Variants in SNX31 observed in about 807,000 individuals in gnomAD.
SNX31 encodes sorting nexin 31, also known as sorting nexin-31.
A neutral mutation model predicts 65.4 loss-of-function variants in SNX31; 58 were observed. That is an observed-to-expected ratio of 0.89 (90% CI 0.72 to 1.10). The LOEUF (loss-of-function observed/expected upper bound fraction) is 1.10, where lower values mean the gene tolerates loss of function less well. SNX31 is among the 50% of genes least tolerant of loss of function. SNX31 has a pLI of 0.00. For missense variants in SNX31, 523 were observed against 529.7 expected (o/e 0.99, Z 0.12); for synonymous variants, 181 against 190.1 (o/e 0.95, Z 0.39).
Position 100,578,844 on chromosome 8 carries a change from C to T in SNX31, c.1171-1769G>A, listed in dbSNP as rs1263551235. On this transcript the variant is annotated intron_variant, in intron 12 of 13. Coordinates refer to ENST00000311812, the MANE Select transcript of SNX31 (RefSeq NM_152628.4). The surrounding 1 kb of genome is among the most constrained non-coding windows in gnomAD (Gnocchi z 4.7). ...TCAAGCGATTCTCCAGCCTCAGTCT[C>T]CCAAGTAGCTAGGAATACAGGTACG... Among the ~76,000 whole-genome samples, 1 of 151,988 alleles carries T rather than the reference C, an allele frequency of 6.6e-6. No individual in the cohort carries two copies. Among genetic ancestry groups the T allele is most frequent in the Non-Finnish European group, 1.5e-5 (1 of 68,006 alleles).
upstream of SNX31, among the ~76,000 whole-genome samples, chr8:100,652,763 C>T (rs1016863288): frequency 1.3e-4 from 20 of 152,092 alleles, no homozygotes; most frequent in African/African-American, 3.6e-4. Flanking sequence ...GTCCTTCACA[C>T]CCTTGGGCCT....
At chr8:100,589,566 T>G (rs1420465206) in intron 10 of SNX31, among the ~76,000 whole-genome samples, 1 of 152,128 alleles carries the variant, frequency 6.6e-6, no homozygotes, top group African/African-American at 2.4e-5. Context: ...AAGTTTGTCG[T>G]GGTGGTTTTA....
At chr8:100,583,889 C>T (rs1486027750) in intron 12 of SNX31, among the ~76,000 whole-genome samples, 1 of 152,186 alleles carries the variant, frequency 6.6e-6, no homozygotes, top group Non-Finnish European at 1.5e-5. Flanking sequence ...GATGACTTCT[C>T]ATTGGAAAAA....
rs1814914816 is a variant in SNX31, at chr8:100,594,785, C to A, written c.978+1854G>T. ...CAATTACCGTACGACCCAGCAATTGCACTTGTGGGCATTTATTCCAGAAAA... is the reference window on the plus strand; with the variant it reads ...CAATTACCGTACGACCCAGCAATTGAACTTGTGGGCATTTATTCCAGAAAA... On this transcript the variant is annotated intron_variant, in intron 10 of 13. Coordinates refer to ENST00000311812, the MANE Select transcript of SNX31 (RefSeq NM_152628.4). The surrounding 1 kb of genome is among the most constrained non-coding windows in gnomAD (Gnocchi z 4.0). Among the ~76,000 whole-genome samples, 1 of 152,202 alleles carries A rather than the reference C, an allele frequency of 6.6e-6. No homozygotes were observed. Among genetic ancestry groups the A allele is most frequent in the African/African-American group, 2.4e-5 (1 of 41,446 alleles).
Position 100,613,021 on chromosome 8 carries a change from C to T in SNX31, c.497G>A (p.Arg166Gln), listed in dbSNP as rs538309289. The T allele has an allele frequency of 1.2e-4, 200 of 1,613,976 alleles. 3 individuals carry two copies. In the South Asian group the frequency reaches 1.6e-3, roughly 13 times the overall value. Reference sequence around the variant, plus strand: ...AGAGAGCTTGCCCTCCTTGCCAAACCGAATGAGAAAGAGGCCGAAGTAGCC... The same window carrying T: ...AGAGAGCTTGCCCTCCTTGCCAAACTGAATGAGAAAGAGGCCGAAGTAGCC... ...LLGYFGLFLI[R>Q]FGKEGKLSVV... Residue 166 changes from arginine to glutamine, a missense_variant, in exon 6 of 14, where the codon CGG becomes CAG. Arg to Gln is a conservative substitution (Grantham distance 43, BLOSUM62 1). Transcript: ENST00000311812. The surrounding 1 kb of genome is among the most constrained non-coding windows in gnomAD (Gnocchi z 5.2).
rs1812807292 is a variant in SNX31, at chr8:100,573,839, G to C, written c.*26C>G. 1 of 1,488,828 alleles carries C rather than the reference G, an allele frequency of 6.7e-7. No homozygotes were observed. The highest frequency in any genetic ancestry group is 1.2e-5 in the South Asian group (1 of 82,626). The allele number at this position is 1,488,828 out of a possible 1,614,324, so 92.2% of individuals were successfully genotyped here. On this transcript the variant is annotated 3_prime_UTR_variant, in exon 14 of 14. Coordinates refer to ENST00000311812, the MANE Select transcript of SNX31 (RefSeq NM_152628.4). ...TCACTGTCTTGAGATAGCCTCCAAG[G>C]ATATTTTAAAATATGAGAGCTTTCT...
chr8:100,573,978 AG>A lies in SNX31; in HGVS notation c.1228-19del. The stretch of plus-strand genomic sequence containing the variant: ...TCTTTCTGCTGTGAAGTAAACAGAG[AG>A]GTCAGAAATGTAAATGAAAGGAAAT... On this transcript the variant is annotated intron_variant, in intron 13 of 13. Transcript: ENST00000311812. The A allele has an allele frequency of 4.3e-6, 6 of 1,384,356 alleles. No homozygotes were observed. Among genetic ancestry groups the A allele is most frequent in the Non-Finnish European group, 5.9e-6 (6 of 1,009,378 alleles). The allele number at this position is 1,384,356 out of a possible 1,614,324, so 85.8% of individuals were successfully genotyped here.
In SNX31 at chr8:100,635,988, G is replaced by T. The variant is rs370204557; in HGVS notation, c.165C>A (p.Cys55Ter). 6.2e-7 allele frequency: 1 copy of T among 1,613,968 alleles called. No individual in the cohort carries two copies. Among genetic ancestry groups the T allele is most frequent in the Non-Finnish European group, 8.5e-7 (1 of 1,179,966 alleles). The change falls in exon 3 of 14, where the codon TGC becomes TGA. Residue 55 changes from cysteine (C) to a stop codon, truncating the protein, a stop_gained. Coordinates refer to ENST00000311812, the MANE Select transcript of SNX31 (RefSeq NM_152628.4). LOFTEE classifies it high-confidence loss of function. ...AGTACTTTGGTGGGAAGGGTGGCAG[G>T]CAATTTCCAAAGACCCGCCTTAGCT... is the stretch of plus-strand genomic sequence containing the variant. ...NEQLRRVFGN[C>*]LPPFPPKYYL...
Position 100,649,348 on chromosome 8 carries a change from G to T in SNX31, c.67C>A (p.Leu23Met), listed in dbSNP as rs907281702. ...RSDALGGRYVLYSVHLDGFLF... is the reference protein window; with the variant it reads ...RSDALGGRYVMYSVHLDGFLF... The stretch of plus-strand genomic sequence containing the variant: ...AACCCGTCCAGGTGCACGGAGTACA[G>T]CTGCAAACACACAGACACCCCGTCC... The change falls in exon 2 of 14, where the codon CTG becomes ATG. Residue 23 changes from leucine (L) to methionine (M), a missense_variant and splice_region_variant. Physicochemically the swap from Leu to Met is conservative, Grantham distance 15. Coordinates refer to ENST00000311812, the MANE Select transcript of SNX31 (RefSeq NM_152628.4). 2 of 1,613,856 alleles carry T rather than the reference G, an allele frequency of 1.2e-6. No homozygotes were observed. The highest frequency in any genetic ancestry group is 2.7e-5 in the African/African-American group (2 of 75,058).
At chr8:100,593,610 C>T (rs754949989) in intron 10 of SNX31, among the ~76,000 whole-genome samples, 6 of 151,982 alleles carry the variant, frequency 3.9e-5, no homozygotes, top group Admixed American at 6.6e-5. Flanking sequence ...CGCCCCACCA[C>T]GCCCAGCTAA....
At chr8:100,589,033 C>T in intron 10 of SNX31, 54 bp from the exon 11 acceptor site, 2 of 1,439,086 alleles carry the variant, frequency 1.4e-6, no homozygotes, top group Admixed American at 1.7e-5. Flanking sequence ...TATTAATTTG[C>T]CGGGCACGGT....
At chr8:100,643,724 T>A (rs1819431004) in intron 2 of SNX31, among the ~76,000 whole-genome samples, 1 of 152,176 alleles carries the variant, frequency 6.6e-6, no homozygotes, top group African/African-American at 2.4e-5. Context: ...GTCATCATCA[T>A]CACCATCACC....
intron 8 of SNX31, among the ~76,000 whole-genome samples, chr8:100,606,040 AT>A (rs374056086): frequency 0.02 from 2,961 of 146,358 alleles, 82 homozygotes; most frequent in African/African-American, 0.065. Flanking sequence ...ACTGAACATG[AT>A]TTTTTTTTTT....
At position 100,648,322 on chromosome 8, in the gene SNX31, C is replaced by CTTTTTTT. The variant is rs33988254; in HGVS notation, c.141+945_141+951dup. On this transcript the variant is annotated intron_variant, in intron 2 of 13. Transcript: ENST00000311812. This position sits in a 1 kb window ranked among gnomAD's most constrained non-coding sequence, Gnocchi z 4.3. ...GAAAGTTTTTTCAGTTTTCTCTACA[C>CTTTTTTT]TTTTTTTTTTTTTTTTTTTAATAGA... Among the ~76,000 whole-genome samples the CTTTTTTT allele has an allele frequency of 2.3e-5, 3 of 131,412 alleles. No homozygotes were observed. The highest frequency in any genetic ancestry group is 1.6e-5 in the Non-Finnish European group (1 of 62,906). The allele number at this position is 131,412 out of a possible 152,430, so 86.2% of individuals were successfully genotyped here.
At chr8:100,654,956 T>C (rs1820033901) in intron 1 of SNX31, among the ~76,000 whole-genome samples, 1 of 152,138 alleles carries the variant, frequency 6.6e-6, no homozygotes, top group South Asian at 2.1e-4. Flanking sequence ...GAGGTTGCAG[T>C]AAACTGAGAT....
rs1482289571 is a variant in SNX31, at chr8:100,612,144, T to C, written c.524-57A>G. On this transcript the variant is annotated intron_variant, in intron 6 of 13. Coordinates refer to ENST00000311812, the MANE Select transcript of SNX31 (RefSeq NM_152628.4). This position sits in a 1 kb window ranked among gnomAD's most constrained non-coding sequence, Gnocchi z 4.3. ...TGAAACAGCACAGACAGCTTATATA[T>C]AGCAGCTTTCAAATGAGAAAATAAA... 2.8e-6 allele frequency: 3 copies of C among 1,064,270 alleles called. No individual in the cohort carries two copies. Among genetic ancestry groups the C allele is most frequent in the African/African-American group, 3.2e-5 (2 of 62,904 alleles). 65.9% of individuals were successfully genotyped at this position (1,064,270 alleles called of 1,614,324 possible).
At chr8:100,600,276 G>A in intron 9 of SNX31, 73 bp downstream of exon 9, 3 of 1,316,768 alleles carry the variant, frequency 2.3e-6, no homozygotes, top group Admixed American at 1.8e-5. Flanking sequence ...ATCAGTTACA[G>A]AAACAGTTCA....
At position 100,625,741 on chromosome 8, in the gene SNX31, G is replaced by C. The variant is rs1424069429; in HGVS notation, c.321+4586C>G. Among the ~76,000 whole-genome samples the C allele has an allele frequency of 6.6e-6, 1 of 152,118 alleles. No homozygotes were observed. The highest frequency in any genetic ancestry group is 2.4e-5 in the African/African-American group (1 of 41,420). On this transcript the variant is annotated intron_variant, in intron 4 of 13. Transcript: ENST00000311812. The surrounding 1 kb of genome is among the most constrained non-coding windows in gnomAD (Gnocchi z 4.2). ...CAAAGTGCTGCAGAACTCAAGCAACGCATAAGCTGCCTCAAAGCAGTTAAT... is the reference window on the plus strand; with the variant it reads ...CAAAGTGCTGCAGAACTCAAGCAACCCATAAGCTGCCTCAAAGCAGTTAAT...
intron 1 of SNX31, among the ~76,000 whole-genome samples, chr8:100,662,904 G>A (rs1033469507): frequency 1.4e-4 from 21 of 152,064 alleles, no homozygotes; most frequent in Non-Finnish European, 2.2e-4. Context: ...ACATATTTTT[G>A]ACTTTTGAAA....
Sources: gnomAD v4.1 joint callset for allele counts (sites outside exome capture counted in the v4.1 genomes callset) on GRCh38, gnomAD v4.1.1 for gene constraint, Gnocchi (gnomAD v3.1) non-coding constraint, MANE v1.5 for transcripts, NCBI Gene and HGNC (gene_info 2026-07-23, HGNC 2026-07-21) for gene names.